The following GRM8 variants were observed in gnomAD, a reference collection of about 807,000 sequenced individuals.
GRM8 encodes the protein glutamate metabotropic receptor 8.
A neutral mutation model predicts 87.2 loss-of-function variants in GRM8; 47 were observed. The ratio of observed to expected loss-of-function variants is 0.54; its 90% confidence interval spans 0.43 to 0.69. GRM8 has a LOEUF of 0.69. Ranked by LOEUF, GRM8 falls within the 30% of genes least tolerant of loss-of-function variation. The pLI is 0.00. For missense variants in GRM8, 1,019 were observed against 1,139.2 expected, an observed-to-expected ratio of 0.89 and a Z score of 1.52; for synonymous variants, 396 against 404.5, an observed-to-expected ratio of 0.98 and a Z score of 0.25.
intron 3 of GRM8, among the ~76,000 whole-genome samples, chr7:126,947,248 G>C (rs1019369764): frequency 4.6e-5 from 7 of 152,346 alleles, no homozygotes; most frequent in African/African-American, 1.2e-4. Context: ...TGAACATAAA[G>C]AGTAATCAAA....
intron 2 of GRM8, among the ~76,000 whole-genome samples, chr7:127,114,059 C>T (rs1226262393): frequency 6.6e-6 from 1 of 152,090 alleles, no homozygotes; most frequent in Non-Finnish European, 1.5e-5. Flanking sequence ...ATGACTACCC[C>T]AAGTTTGCAT....
At chr7:126,463,277 G>A (rs941981023) in intron 9 of GRM8, among the ~76,000 whole-genome samples, 5 of 151,544 alleles carry the variant, frequency 3.3e-5, no homozygotes, top group African/African-American at 1.2e-4. Flanking sequence ...CTATGTGAGT[G>A]GGAAATAAAA....
At chr7:126,648,244 A>G (rs1003528682) in intron 7 of GRM8, among the ~76,000 whole-genome samples, 1 of 152,124 alleles carries the variant, frequency 6.6e-6, no homozygotes. Context: ...GCCATCCCCT[A>G]TATACCTATC....
At chr7:127,211,664 C>G (rs923834090) in intron 2 of GRM8, among the ~76,000 whole-genome samples, 2 of 152,110 alleles carry the variant, frequency 1.3e-5, no homozygotes, top group Non-Finnish European at 2.9e-5. Flanking sequence ...GGGATTACTG[C>G]CCTTTTAAAT....
At chr7:127,132,075 C>A (rs1827718365) in intron 2 of GRM8, among the ~76,000 whole-genome samples, 1 of 152,106 alleles carries the variant, frequency 6.6e-6, no homozygotes, top group Non-Finnish European at 1.5e-5. Context: ...CACCACAGAC[C>A]AGTCTTCATT....
chr7:127,081,763 C>G (rs1222955574), intron 3 of GRM8, among the ~76,000 whole-genome samples: 1 of 152,228 alleles, frequency 6.6e-6, no homozygotes. Flanking sequence ...AAACTGAAAG[C>G]TTGTATGAGA....
At chr7:127,070,505 C>G (rs1054226370) in intron 3 of GRM8, among the ~76,000 whole-genome samples, 1 of 152,006 alleles carries the variant, frequency 6.6e-6, no homozygotes, top group Non-Finnish European at 1.5e-5. Context: ...GCATAGAAGT[C>G]AATACAGCCA....
At chr7:126,901,375 C>T (rs1212142071) in intron 6 of GRM8, among the ~76,000 whole-genome samples, 3 of 152,198 alleles carry the variant, frequency 2.0e-5, no homozygotes, top group Non-Finnish European at 4.4e-5. Context: ...AAGCACATCT[C>T]AGCATCTGAA....
intron 3 of GRM8, among the ~76,000 whole-genome samples, chr7:126,912,258 T>C (rs115404261): frequency 0.014 from 2,110 of 152,178 alleles, 46 homozygotes; most frequent in African/African-American, 0.048. Flanking sequence ...GCACTTGAAT[T>C]AGTGGACTGA....
chr7:126,826,808 T>A (rs995191376), intron 6 of GRM8, among the ~76,000 whole-genome samples: 1 of 152,194 alleles, frequency 6.6e-6, no homozygotes, highest in African/African-American at 2.4e-5. Context: ...ATGTCCTGAA[T>A]GGTAATGCCT....
rs369529126 is a variant in GRM8 at position 126,950,287 on chromosome 7, AG to A, written c.728-45605del. Among the ~76,000 whole-genome samples, 762 of 152,346 alleles carry A rather than the reference AG, an allele frequency of 5.0e-3. 7 individuals are homozygous for A. The highest frequency in any genetic ancestry group is 0.017 in the African/African-American group (727 of 41,586). The stretch of plus-strand genomic sequence containing the variant: ...TTTCTGGTAAGAAGAATAGTACTGC[AG>A]AAAAATATTCACAATAAAAATTGAG... On this transcript the variant is annotated intron_variant, in intron 3 of 10. Transcript: ENST00000339582.
chr7:126,594,843 T>G (rs1797013079), intron 8 of GRM8, among the ~76,000 whole-genome samples: 2 of 152,106 alleles, frequency 1.3e-5, no homozygotes, highest in African/African-American at 4.8e-5. Flanking sequence ...TACATAAATT[T>G]TATCTGTCCA....
rs113499215 is a variant in GRM8 at position 126,772,035 on chromosome 7, A to T, written c.1157-1970T>A. Among the ~76,000 whole-genome samples the T allele has an allele frequency of 8.6e-3, 1,303 of 152,132 alleles. 10 individuals are homozygous for T. Among genetic ancestry groups the T allele is most frequent in the African/African-American group, 0.029 (1,215 of 41,508 alleles). ...GTTTCCTGTGAAAACAACCCTTTCC[A>T]CTTCTGCCTAAAATTTCTCTCCCAT... On this transcript the variant is annotated intron_variant, in intron 6 of 10. Coordinates refer to ENST00000339582, the MANE Select transcript of GRM8 (RefSeq NM_000845.3).
At chr7:127,027,065 T>C (rs192204752) in intron 3 of GRM8, among the ~76,000 whole-genome samples, 1 of 152,308 alleles carries the variant, frequency 6.6e-6, no homozygotes, top group East Asian at 1.9e-4. Context: ...CTAGCCAGTT[T>C]TCCTAGCACC....
At chr7:127,133,501 T>A (rs971606274) in intron 2 of GRM8, among the ~76,000 whole-genome samples, 1 of 151,402 alleles carries the variant, frequency 6.6e-6, no homozygotes, top group East Asian at 1.9e-4. Flanking sequence ...CACGAGGAGA[T>A]CGAGACCATC....
At chr7:126,458,649 A>G (rs763975471) in intron 9 of GRM8, among the ~76,000 whole-genome samples, 2 of 151,304 alleles carry the variant, frequency 1.3e-5, no homozygotes, top group Non-Finnish European at 3.0e-5. Context: ...ATTATTTTAA[A>G]ACATAAATGA....
At chr7:126,706,439 A>G (rs1051289017) in intron 7 of GRM8, among the ~76,000 whole-genome samples, 8 of 152,092 alleles carry the variant, frequency 5.3e-5, no homozygotes, top group East Asian at 1.9e-4. Flanking sequence ...AGAAAAGCCA[A>G]TGTCCCAGTT....
chr7:126,690,080 T>C (rs1047802383), intron 7 of GRM8, among the ~76,000 whole-genome samples: 2 of 152,170 alleles, frequency 1.3e-5, no homozygotes, highest in Non-Finnish European at 2.9e-5. Context: ...AGCTGGGAAT[T>C]GCTTCTGATT....
chr7:127,042,039 G>A (rs1472532590), intron 3 of GRM8, among the ~76,000 whole-genome samples: 2 of 152,120 alleles, frequency 1.3e-5, no homozygotes, highest in Non-Finnish European at 2.9e-5. Context: ...ACTAACAATA[G>A]GAACTGGTTT....
Sources: gnomAD v4.1 joint callset for allele counts (sites outside exome capture counted in the v4.1 genomes callset) on GRCh38, gnomAD v4.1.1 for gene constraint, MANE v1.5 for transcripts, NCBI Gene and HGNC (gene_info 2026-07-23, HGNC 2026-07-21) for gene names.